PPP2R1B: variants seen among roughly 807,000 people sequenced by gnomAD.
PPP2R1B encodes serine/threonine-protein phosphatase 2A 65 kDa regulatory subunit A beta isoform.
PPP2R1B carries 58 observed loss-of-function variants against 72.7 expected under a neutral mutation model. That is an observed-to-expected ratio of 0.80 (90% confidence interval 0.65 to 0.99). PPP2R1B has a LOEUF of 0.99. Ranked by LOEUF, PPP2R1B falls within the 50% of genes least tolerant of loss-of-function variation. The probability of loss-of-function intolerance (pLI) is 0.00; values close to 1 mark genes in which losing one functional copy is unlikely to be tolerated. For synonymous variants in PPP2R1B, 256 were observed against 264.6 expected, an observed-to-expected ratio of 0.97 and a Z score of 0.32; for missense variants, 695 against 733.6, an observed-to-expected ratio of 0.95 and a Z score of 0.61.
At chr11:111,717,630 G>GCATGTATCTTT in the PPP2R1B span, among the ~76,000 whole-genome samples, 1 of 152,182 alleles carries the variant, frequency 6.6e-6, no homozygotes, top group Non-Finnish European at 1.5e-5. Flanking sequence ...CTATTATAAA[G>GCATGTATCTTT]ATACATGCAT....
rs782643616 is a variant in PPP2R1B, at chr11:111,755,360, G to C, written c.778C>G (p.Leu260Val). 2 of 1,613,820 alleles carry C rather than the reference G, an allele frequency of 1.2e-6. No homozygotes were observed. Among genetic ancestry groups the C allele is most frequent in the Non-Finnish European group, 1.7e-6 (2 of 1,179,972 alleles). The change falls in exon 6 of 15, where the codon CTT (leucine) becomes GTT (valine). Residue 260 changes from leucine to valine, a missense_variant. Transcript: ENST00000527614. ...DDLETLVMPT[L>V]RQAAEDKSWR... Reference sequence around the variant, plus strand: ...GATTTATCTTCTGCTGCTTGTCGAAGTGTAGGCATCACCAAAGTCTCAAGG... The same window carrying C: ...GATTTATCTTCTGCTGCTTGTCGAACTGTAGGCATCACCAAAGTCTCAAGG...
At chr11:111,735,260 A>G (rs1944306053), downstream of PPP2R1B, 1 of 152,244 alleles carries the variant, frequency 6.6e-6, no homozygotes, top group African/African-American at 2.4e-5. Context: ...TGGATGCTTC[A>G]CTTGATTTTA....
intron 10 of PPP2R1B, among the ~76,000 whole-genome samples, chr11:111,751,615 T>G (rs1555047955): frequency 6.6e-6 from 1 of 152,202 alleles, no homozygotes; most frequent in South Asian, 2.1e-4. Context: ...CCACTTCTGG[T>G]CCCAAACATG....
At chr11:111,742,227 GTTAAAA>G in intron 13 of PPP2R1B, 83 bp from the exon 14 acceptor site, 1 of 1,070,834 alleles carries the variant, frequency 9.3e-7, no homozygotes, top group Non-Finnish European at 1.4e-6. Flanking sequence ...AATGGTAATT[GTTAAAA>G]TTTAAAGTAA....
Position 111,754,521 on chromosome 11 carries a change from T to C in PPP2R1B, c.1007A>G (p.Asn336Ser), listed in dbSNP as rs781805459. The C allele has an allele frequency of 1.2e-6, 2 of 1,602,870 alleles. No homozygotes were observed. The highest frequency in any genetic ancestry group is 1.7e-6 in the Non-Finnish European group (2 of 1,177,452). Residue 336 changes from asparagine to serine, a missense_variant, in exon 8 of 15, where the codon AAT becomes AGT. Physicochemically the swap from Asn to Ser is conservative, Grantham distance 46. Transcript: ENST00000527614. ...TACCTTTATATAAGGCAGAATTTGA[T>C]TCATAATTATGGTCTCTCTATCTTC... ...PIEDRETIIM[N>S]QILPYIKELV...
intron 15 of PPP2R1B, chr11:111,727,138 T>G (rs1943997651): frequency 5.6e-6 from 7 of 1,248,410 alleles, no homozygotes; most frequent in South Asian, 3.7e-5. Context: ...CGTCCCCAGC[T>G]GCCCCCTCGC....
At chr11:111,756,609 AC>A (rs1387493684) in intron 5 of PPP2R1B, among the ~76,000 whole-genome samples, 2 of 152,222 alleles carry the variant, frequency 1.3e-5, no homozygotes, top group African/African-American at 2.4e-5. Flanking sequence ...GGAAAGAAAT[AC>A]ACAGAACAAT....
chr11:111,722,607 G>T, downstream of PPP2R1B: 2 of 1,509,154 alleles, frequency 1.3e-6, no homozygotes, highest in South Asian at 2.3e-5. The surrounding 1 kb of genome is among the most constrained non-coding windows in gnomAD (Gnocchi z 4.4). Context: ...CACATCTGAT[G>T]ACTGCATCCT....
At chr11:111,755,584 CTTTTTCTT>C in intron 5 of PPP2R1B, 134 bp from the exon 6 acceptor site, 1 of 623,926 alleles carries the variant, frequency 1.6e-6, no homozygotes, top group Non-Finnish European at 2.4e-6. Flanking sequence ...GTCTTGACAT[CTTTTTCTT>C]TTTTTTTTTT....
chr11:111,739,846 T>G lies in PPP2R1B; in HGVS notation c.*1750A>C. The G allele has an allele frequency of 2.0e-6, 2 of 976,968 alleles. No homozygotes were observed. Among genetic ancestry groups the G allele is most frequent in the Non-Finnish European group, 2.4e-6 (2 of 822,254 alleles). The allele number at this position is 976,968 out of a possible 1,614,324, so 60.5% of individuals were successfully genotyped here. A position where few individuals can be genotyped will look rare whatever the true frequency, so the allele number is the denominator to read the frequency against. ...GAGAATATAGAAAAAGATTTGTGCT[T>G]AGGAAAATACTTAATTCTTGGCCCA... On this transcript the variant is annotated 3_prime_UTR_variant, in exon 15 of 15. Transcript: ENST00000527614.
At chr11:111,748,201 C>T (rs1944772905) in intron 10 of PPP2R1B, among the ~76,000 whole-genome samples, 187 bp from the exon 11 acceptor site, 1 of 151,186 alleles carries the variant, frequency 6.6e-6, no homozygotes, top group Non-Finnish European at 1.5e-5. Context: ...AAATCATAAA[C>T]AAAAAAAAAG....
chr11:111,728,760 T>TG (rs1219687156), intron 15 of PPP2R1B: 3 of 152,140 alleles, frequency 2.0e-5, no homozygotes, highest in South Asian at 4.2e-4. Flanking sequence ...CCGTCTCTAC[T>TG]AAAAATACAA....
downstream of PPP2R1B, chr11:111,737,321 T>G: frequency 7.1e-7 from 1 of 1,417,650 alleles, no homozygotes; most frequent in Non-Finnish European, 9.6e-7. Context: ...ATTGGACTCT[T>G]CCCCTGGGGA....
chr11:111,701,349 AT>A, the PPP2R1B span: 2 of 1,408,744 alleles, frequency 1.4e-6, no homozygotes, highest in Non-Finnish European at 1.9e-6. The surrounding 1 kb of genome is among the most constrained non-coding windows in gnomAD (Gnocchi z 4.2). Context: ...CCAGACAGGA[AT>A]TTTTCAGTCC....
chr11:111,717,807 C>T, the PPP2R1B span, among the ~76,000 whole-genome samples: 1 of 152,110 alleles, frequency 6.6e-6, no homozygotes, highest in East Asian at 1.9e-4. Flanking sequence ...ATGAATGGAG[C>T]TGGAAGCCAT....
chr11:111,732,942 A>G (rs1944238030), downstream of PPP2R1B, among the ~76,000 whole-genome samples: 1 of 152,202 alleles, frequency 6.6e-6, no homozygotes, highest in Non-Finnish European at 1.5e-5. Context: ...TCAAAAGCTG[A>G]GCAGCCCTTG....
chr11:111,762,256 T>C (rs1555051618), intron 3 of PPP2R1B, among the ~76,000 whole-genome samples: 1 of 152,202 alleles, frequency 6.6e-6, no homozygotes, highest in African/African-American at 2.4e-5. Flanking sequence ...GTGTGTCTAA[T>C]AATATATTTT....
chr11:111,734,176 T>C (rs1035373082), downstream of PPP2R1B, among the ~76,000 whole-genome samples: 4 of 152,210 alleles, frequency 2.6e-5, no homozygotes, highest in African/African-American at 7.2e-5. Flanking sequence ...AGTCCCACTC[T>C]GCCTATCTTA....
In PPP2R1B at chr11:111,747,977, C is replaced by T; in HGVS notation, c.1376G>A (p.Cys459Tyr). The change falls in exon 11 of 15, where the codon TGT (cysteine) becomes TAT (tyrosine). Residue 459 changes from cysteine to tyrosine, a missense_variant. Coordinates refer to ENST00000527614, the MANE Select transcript of PPP2R1B (RefSeq NM_002716.5). ...ACCATGGTCCACGAGCCAAGCCATA[C>T]ATAAAGAATTCAGCTTTTCATCAAA... ...EFFDEKLNSL[C>Y]MAWLVDHVYA... 1.2e-6 allele frequency: 2 copies of T among 1,613,446 alleles called. No individual in the cohort carries two copies. The highest frequency in any genetic ancestry group is 1.7e-6 in the Non-Finnish European group (2 of 1,179,746).
Sources: gnomAD v4.1 joint callset for allele counts (sites outside exome capture counted in the v4.1 genomes callset) on GRCh38, gnomAD v4.1.1 for gene constraint, Gnocchi (gnomAD v3.1) non-coding constraint, MANE v1.5 for transcripts, NCBI Gene and HGNC (gene_info 2026-07-23, HGNC 2026-07-21) for gene names.